Variants in ABCA10 observed in about 807,000 individuals in gnomAD.
The protein encoded by ABCA10 is ATP-binding cassette sub-family A member 10.
In ABCA10, 169 loss-of-function variants were observed where a neutral mutation model predicts 187.5. The ratio of observed to expected loss-of-function variants is 0.90; its 90% CI spans 0.80 to 1.02. The LOEUF is 1.02. Ranked by LOEUF, ABCA10 falls within the 50% of genes least tolerant of loss-of-function variation. The pLI, the probability that ABCA10 is intolerant of heterozygous loss-of-function variation, is 0.00. For synonymous variants in ABCA10, 574 were observed against 601.8 expected, an observed-to-expected ratio of 0.95 and a Z score of 0.68; for missense variants, 1,727 against 1,812.4, an observed-to-expected ratio of 0.95 and a Z score of 0.86.
intron 9 of ABCA10, among the ~76,000 whole-genome samples, chr17:69,214,252 A>T (rs8066629): frequency 6.6e-6 from 1 of 151,886 alleles, no homozygotes; most frequent in East Asian, 1.9e-4. Context: ...GCGGTGGCTC[A>T]CGCCTGTAAT....
chr17:69,195,067 T>C (rs528287182), intron 11 of ABCA10, among the ~76,000 whole-genome samples: 2 of 152,344 alleles, frequency 1.3e-5, no homozygotes, highest in East Asian at 3.9e-4. Flanking sequence ...TCACAGGCAT[T>C]TTCACATATA....
At chr17:69,227,081 T>C (rs1250193379) in intron 2 of ABCA10, 64 bp downstream of exon 2, 1 of 149,892 alleles carries the variant, frequency 6.7e-6, no homozygotes, top group African/African-American at 2.4e-5. Flanking sequence ...AATGGCATAA[T>C]ACTATATGGT....
At chr17:69,149,360 C>T (rs1167434256) in intron 37 of ABCA10, 3 of 384,892 alleles carry the variant, frequency 7.8e-6, no homozygotes, top group East Asian at 4.3e-5. Flanking sequence ...GCTTTGGACT[C>T]CAAATCAGTT....
chr17:69,243,553 T>C (rs1288711049), intron 1 of ABCA10, among the ~76,000 whole-genome samples: 2 of 152,238 alleles, frequency 1.3e-5, no homozygotes, highest in Non-Finnish European at 2.9e-5. Flanking sequence ...TTTATGCAAG[T>C]GTGGCTGCAA....
intron 25 of ABCA10, among the ~76,000 whole-genome samples, chr17:69,170,287 CAAAA>C (rs10559540): frequency 1.4e-5 from 2 of 141,298 alleles, no homozygotes; most frequent in Admixed American, 1.4e-4. Context: ...GATTCCGTCT[CAAAA>C]AAAAAAAAAA....
intron 5 of ABCA10, among the ~76,000 whole-genome samples, chr17:69,220,251 G>A (rs1158030836): frequency 6.6e-6 from 1 of 151,988 alleles, no homozygotes; most frequent in Non-Finnish European, 1.5e-5. Context: ...AGGGGGGGTG[G>A]TTGAGGATGG....
At chr17:69,180,964 T>A (rs2074376097) in intron 22 of ABCA10, among the ~76,000 whole-genome samples, 1 of 152,102 alleles carries the variant, frequency 6.6e-6, no homozygotes. Context: ...CTAAATTGCA[T>A]CTGATCAAAA....
intron 10 of ABCA10, among the ~76,000 whole-genome samples, chr17:69,200,244 T>C (rs1448572793): frequency 1.1e-4 from 16 of 152,224 alleles, no homozygotes; most frequent in Admixed American, 1.0e-3. Flanking sequence ...TGATAGCTCA[T>C]TGACTCTTTA....
At chr17:69,164,827 T>C in intron 26 of ABCA10, 137 bp downstream of exon 26, 1 of 1,186,538 alleles carries the variant, frequency 8.4e-7, no homozygotes, top group South Asian at 1.9e-5. Flanking sequence ...TATACAGCTT[T>C]AAAATCTTAT....
At chr17:69,163,377 T>C (rs1598090088) in intron 27 of ABCA10, among the ~76,000 whole-genome samples, 1 of 152,244 alleles carries the variant, frequency 6.6e-6, no homozygotes, top group East Asian at 1.9e-4. Context: ...TGTGTCAGAG[T>C]TGCAATGAAC....
intron 11 of ABCA10, among the ~76,000 whole-genome samples, chr17:69,196,013 C>G (rs571938811): frequency 1.3e-5 from 2 of 152,362 alleles, no homozygotes; most frequent in South Asian, 4.1e-4. Flanking sequence ...CCACACTTCC[C>G]CCTCTTCCAC....
At chr17:69,187,140 C>T (rs2074427588) in intron 19 of ABCA10, among the ~76,000 whole-genome samples, 1 of 152,102 alleles carries the variant, frequency 6.6e-6, no homozygotes, top group African/African-American at 2.4e-5. Context: ...CTGAAACTCC[C>T]TCAGCTTGTA....
At position 69,225,340 on chromosome 17, in the gene ABCA10, C is replaced by G. The variant is rs745423957; in HGVS notation, c.19G>C (p.Ala7Pro). 3.7e-6 allele frequency: 6 copies of G among 1,613,148 alleles called. No homozygotes were observed. The highest frequency in any genetic ancestry group is 5.1e-6 in the Non-Finnish European group (6 of 1,179,396). The change falls in exon 3 of 39, where the codon GCT (alanine) becomes CCT (proline). Residue 7 changes from alanine (A) to proline (P), a missense_variant. Transcript: ENST00000690296. ...GACAACACACCTTTCATAAAGGAAGCCAAGGCCATCTTATTCATTATCCTT... is the reference window on the plus strand; with the variant it reads ...GACAACACACCTTTCATAAAGGAAGGCAAGGCCATCTTATTCATTATCCTT... MNKMALASFMKGRTVIG... is the reference protein window; with the variant it reads MNKMALPSFMKGRTVIG...
chr17:69,210,847 C>CACATATAT (rs1169352704), intron 9 of ABCA10, among the ~76,000 whole-genome samples: 6 of 37,896 alleles, frequency 1.6e-4, no homozygotes, highest in African/African-American at 3.5e-4. Context: ...ATTTATGCCA[C>CACATATAT]ATATATATAT....
chr17:69,155,497 A>G (rs2074166871), intron 29 of ABCA10, among the ~76,000 whole-genome samples: 1 of 152,200 alleles, frequency 6.6e-6, no homozygotes, highest in Admixed American at 6.5e-5. Flanking sequence ...ATACTATAAT[A>G]TAAAATGTAA....
chr17:69,233,302 G>T (rs1160946469), upstream of ABCA10: 4 of 151,502 alleles, frequency 2.6e-5, no homozygotes, highest in Non-Finnish European at 2.9e-5. Flanking sequence ...GCCTGTCTTT[G>T]AGTTCCCTAA....
At chr17:69,196,128 G>C in intron 11 of ABCA10, 1 of 161,558 alleles carries the variant, frequency 6.2e-6, no homozygotes, top group Non-Finnish European at 1.3e-5. Flanking sequence ...CCTCCCAGAC[G>C]GGGCGGCTGC....
intron 22 of ABCA10, chr17:69,175,825 G>A (rs539238469): frequency 2.2e-5 from 4 of 180,962 alleles, no homozygotes; most frequent in African/African-American, 9.6e-5. Flanking sequence ...TACATAATAT[G>A]TTTTTTTAAT....
intron 9 of ABCA10, among the ~76,000 whole-genome samples, chr17:69,207,338 CA>C (rs919308506): frequency 6.6e-6 from 1 of 151,986 alleles, no homozygotes; most frequent in Non-Finnish European, 1.5e-5. Context: ...TGAAGGTTCC[CA>C]AAAAGGTAAA....
Sources: gnomAD v4.1 joint callset for allele counts (sites outside exome capture counted in the v4.1 genomes callset) on GRCh38, gnomAD v4.1.1 for gene constraint, MANE v1.5 for transcripts, NCBI Gene and HGNC (gene_info 2026-07-23, HGNC 2026-07-21) for gene names.